A3GALT2: variants seen among roughly 807,000 people sequenced by gnomAD.
A3GALT2 encodes the protein alpha-1,3-galactosyltransferase 2.
A3GALT2 carries 14 observed loss-of-function variants against 16.6 expected under a neutral mutation model. The observed-to-expected ratio is 0.84, with a 90% CI of 0.56 to 1.32. The LOEUF (loss-of-function observed/expected upper bound fraction) is 1.32. A3GALT2 is among the 40% of genes most tolerant of loss of function. A3GALT2 has a pLI of 0.00. For missense variants in A3GALT2, 600 were observed against 490.9 expected (o/e 1.22, Z -2.10); for synonymous variants, 253 against 218.0 (o/e 1.16, Z -1.42).
At chr1:33,311,845 C>T (rs539036689) in intron 4 of A3GALT2, among the ~76,000 whole-genome samples, 7 of 152,202 alleles carry the variant, frequency 4.6e-5, no homozygotes, top group Admixed American at 1.3e-4. Context: ...CTGTGTTGGG[C>T]GGGCTCTATG....
intron 3 of A3GALT2, 90 bp downstream of exon 3, chr1:33,312,411 G>A: frequency 7.3e-7 from 1 of 1,373,650 alleles, no homozygotes; most frequent in Non-Finnish European, 1.0e-6. Context: ...GCTCTGCTGG[G>A]GTGGGAGATG....
At position 33,321,079 on chromosome 1, in the gene A3GALT2, A is replaced by C. The variant is rs751962047; in HGVS notation, c.20T>G (p.Leu7Arg). The change falls in exon 1 of 5, where the codon CTC becomes CGC. Residue 7 changes from leucine to arginine, a missense_variant. Leu to Arg is a moderately radical substitution (Grantham distance 102, BLOSUM62 -2). Coordinates refer to ENST00000442999, the MANE Select transcript of A3GALT2 (RefSeq NM_001080438.1). MALKEG[L>R]RAWKRIFWRQ... Reference sequence around the variant, plus strand: ...CCATACCATTGTCCCCCCTCACCTGAGTCCCTCCTTGAGAGCCATATGGGG... The same window carrying C: ...CCATACCATTGTCCCCCCTCACCTGCGTCCCTCCTTGAGAGCCATATGGGG... The C allele has an allele frequency of 6.2e-7, 1 of 1,612,862 alleles. No individual in the cohort carries two copies. The highest frequency in any genetic ancestry group is 1.3e-5 in the African/African-American group (1 of 74,852).
intron 2 of A3GALT2, 39 bp downstream of exon 2, chr1:33,312,768 T>C: frequency 6.4e-7 from 1 of 1,562,258 alleles, no homozygotes; most frequent in Non-Finnish European, 8.7e-7. Context: ...TAAACCTGAC[T>C]GTGGTCCTAC....
At chr1:33,313,701 G>A (rs1646248191) in intron 1 of A3GALT2, 1 of 152,198 alleles carries the variant, frequency 6.6e-6, no homozygotes. Context: ...CGTATCTAGA[G>A]CAACTGGAGC....
At chr1:33,315,507 T>C (rs1646257574) in intron 1 of A3GALT2, among the ~76,000 whole-genome samples, 1 of 152,178 alleles carries the variant, frequency 6.6e-6, no homozygotes, top group African/African-American at 2.4e-5. Context: ...ATCATGCCAC[T>C]GGACTCCAGC....
Position 33,315,969 on chromosome 1 carries a change from A to T in A3GALT2, c.24-3079T>A, listed in dbSNP as rs1225008173. ...GGTGAGGGTATGGGTCACATGACAC[A>T]CTGAAAACAGATGTGTGGAACACGG... On this transcript the variant is annotated intron_variant, in intron 1 of 4. Transcript: ENST00000442999. Among the ~76,000 whole-genome samples, 3 of 152,292 alleles carry T rather than the reference A, an allele frequency of 2.0e-5. No homozygotes were observed. The East Asian group carries it at 5.8e-4, about 29-fold the overall frequency.
chr1:33,315,922 T>G, intron 1 of A3GALT2, among the ~76,000 whole-genome samples: 2 of 151,662 alleles, frequency 1.3e-5, no homozygotes, highest in African/African-American at 2.4e-5. Context: ...AAGATGTGGG[T>G]GTAGTTGGGC....
At position 33,307,198 on chromosome 1, in the gene A3GALT2, G is replaced by T. The variant is rs11812052; in HGVS notation, c.591C>A (p.Cys197Ter). The T allele has an allele frequency of 1.4e-3, 2,089 of 1,536,088 alleles. 31 individuals are homozygous for T. In the African/African-American group the frequency reaches 0.027, roughly 20 times the overall value. The change falls in exon 5 of 5, where the codon TGC becomes TGA. Residue 197 changes from cysteine (C) to a stop codon, truncating the protein, a stop_gained. Transcript: ENST00000442999. LOFTEE classifies it low-confidence loss of function (END_TRUNC). ...CGCTGAAGTGCTGGTCCACGTCCAT[G>T]CAGAACATGAAGTGCGCCTCGCGGC... ...LPGREAHFMF[C>*]MDVDQHFSGT... is the part of the protein sequence containing the mutation.
chr1:33,316,821 G>T (rs141517888), intron 1 of A3GALT2, among the ~76,000 whole-genome samples: 2 of 152,284 alleles, frequency 1.3e-5, no homozygotes, highest in African/African-American at 4.8e-5. Context: ...GGATGTTATG[G>T]GAGAGAGGGA....
chr1:33,307,476 A>T, intron 4 of A3GALT2, 23 bp from the exon 5 acceptor site: 1 of 1,453,640 alleles, frequency 6.9e-7, no homozygotes, highest in Non-Finnish European at 9.0e-7. Flanking sequence ...CGCCACCGTC[A>T]GCCTGAGAGT....
intron 1 of A3GALT2, among the ~76,000 whole-genome samples, chr1:33,318,324 A>G (rs1470140457): frequency 1.3e-5 from 2 of 152,156 alleles, no homozygotes; most frequent in Non-Finnish European, 2.9e-5. Flanking sequence ...CCCCACATGC[A>G]GCCCATCAGC....
At chr1:33,308,731 T>A (rs1646215836) in intron 4 of A3GALT2, among the ~76,000 whole-genome samples, 2 of 149,214 alleles carry the variant, frequency 1.3e-5, no homozygotes, top group South Asian at 2.1e-4. Context: ...TATTATTATT[T>A]TTTTGTCATG....
chr1:33,317,353 T>A (rs776422845), intron 1 of A3GALT2, among the ~76,000 whole-genome samples: 2 of 152,232 alleles, frequency 1.3e-5, no homozygotes, highest in Non-Finnish European at 2.9e-5. Flanking sequence ...GTTTGTGCAA[T>A]AAAATTAGTT....
intron 1 of A3GALT2, among the ~76,000 whole-genome samples, chr1:33,316,923 A>C (rs920804857): frequency 6.6e-6 from 1 of 152,142 alleles, no homozygotes; most frequent in Non-Finnish European, 1.5e-5. Flanking sequence ...AAGGAGAGGC[A>C]CATGGGTTGG....
At chr1:33,311,255 A>G (rs888021825) in intron 4 of A3GALT2, among the ~76,000 whole-genome samples, 5 of 152,168 alleles carry the variant, frequency 3.3e-5, no homozygotes, top group African/African-American at 9.7e-5. Flanking sequence ...TGGGGAGGTC[A>G]GCACCCCGCT....
intron 1 of A3GALT2, 62 bp from the exon 2 acceptor site, chr1:33,312,952 C>T: frequency 1.6e-6 from 2 of 1,252,970 alleles, no homozygotes; most frequent in Non-Finnish European, 2.3e-6. Context: ...TATTTATATG[C>T]ACACATACAT....
chr1:33,310,067 C>T (rs916048090), intron 4 of A3GALT2, among the ~76,000 whole-genome samples: 2 of 152,242 alleles, frequency 1.3e-5, no homozygotes, highest in South Asian at 4.1e-4. Flanking sequence ...CTCGGGAGGC[C>T]GAGGCGGGCA....
At position 33,307,059 on chromosome 1, in the gene A3GALT2, T is replaced by C. The variant is rs1289121647; in HGVS notation, c.730A>G (p.Met244Val). ...FERDAHSAAA[M>V]AWGQGDFYNH... ...TAGAAGTCGCCCTGGCCCCACGCCATCGCGGCGGCCGAATGCGCGTCGCGT... is the reference window on the plus strand; with the variant it reads ...TAGAAGTCGCCCTGGCCCCACGCCACCGCGGCGGCCGAATGCGCGTCGCGT... Residue 244 changes from methionine to valine, a missense_variant, in exon 5 of 5, where the codon ATG (methionine) becomes GTG (valine). Physicochemically the swap from Met to Val is conservative, Grantham distance 21 (BLOSUM62 1). Transcript: ENST00000442999. The C allele has an allele frequency of 2.6e-6, 4 of 1,513,292 alleles. No individual in the cohort carries two copies. In the Admixed American group the frequency reaches 6.2e-5, roughly 24 times the overall value. 93.7% of individuals were successfully genotyped at this position (1,513,292 alleles called of 1,614,324 possible).
chr1:33,312,673 C>T (rs1291017449), intron 2 of A3GALT2, 83 bp from the exon 3 acceptor site: 3 of 1,461,584 alleles, frequency 2.1e-6, no homozygotes, highest in African/African-American at 2.8e-5. Flanking sequence ...TTGCTTCTTA[C>T]AAGGAGAGAG....
Sources: gnomAD v4.1 joint callset for allele counts (sites outside exome capture counted in the v4.1 genomes callset) on GRCh38, gnomAD v4.1.1 for gene constraint, MANE v1.5 for transcripts, NCBI Gene and HGNC (gene_info 2026-07-23, HGNC 2026-07-21) for gene names.